PIK3R3: variants seen among roughly 807,000 people sequenced by gnomAD.
PIK3R3 encodes phosphatidylinositol 3-kinase regulatory subunit gamma.
In PIK3R3, 64 loss-of-function variants were observed where a neutral mutation model predicts 62.9. The observed-to-expected ratio is 1.02, with a 90% CI of 0.83 to 1.25. PIK3R3 has a LOEUF of 1.25. Ranked by LOEUF, PIK3R3 falls within the 50% of genes most tolerant of loss-of-function variation. The pLI is 0.00. For synonymous variants in PIK3R3, 165 were observed against 189.0 expected (o/e 0.87, Z 1.04); for missense variants, 614 against 561.6 (o/e 1.09, Z -0.94).
At chr1:46,100,393 A>G (rs1442420542) in intron 1 of PIK3R3, among the ~76,000 whole-genome samples, 4 of 152,204 alleles carry the variant, frequency 2.6e-5, no homozygotes, top group Admixed American at 2.6e-4. Context: ...TAGTCAGTCC[A>G]TCATCTCCTT....
In PIK3R3 at chr1:46,043,583, G is replaced by T; in HGVS notation, c.*90C>A. On this transcript the variant is annotated 3_prime_UTR_variant, in exon 10 of 10. Coordinates refer to ENST00000262741, the MANE Select transcript of PIK3R3 (RefSeq NM_003629.4). Reference sequence around the variant, plus strand: ...CAAAATCACTTCTTGTGCAAAACAAGCAGTCTATGTAGAAAGAATGCCCTC... The same window carrying T: ...CAAAATCACTTCTTGTGCAAAACAATCAGTCTATGTAGAAAGAATGCCCTC... The T allele has an allele frequency of 8.9e-7, 1 of 1,126,430 alleles. No individual in the cohort carries two copies. The allele number at this position is 1,126,430 out of a possible 1,614,324, so 69.8% of individuals were successfully genotyped here.
the PIK3R3 span, among the ~76,000 whole-genome samples, chr1:46,148,757 AGAG>A: frequency 2.0e-5 from 3 of 152,010 alleles, no homozygotes; most frequent in East Asian, 5.8e-4. Flanking sequence ...AGAGAGAGAG[AGAG>A]AGAGAGAGAG....
chr1:46,097,534 C>A (rs1261563602), intron 1 of PIK3R3, among the ~76,000 whole-genome samples: 1 of 152,142 alleles, frequency 6.6e-6, no homozygotes. Context: ...CTTTCCCCTA[C>A]AATCAAAAAC....
chr1:46,066,223 C>T, intron 4 of PIK3R3, 44 bp from the exon 5 acceptor site: 1 of 1,349,556 alleles, frequency 7.4e-7, no homozygotes, highest in East Asian at 2.3e-5. Context: ...ACAATTCTGA[C>T]ATATGTGGAA....
chr1:46,167,936 A>T, the PIK3R3 span, among the ~76,000 whole-genome samples: 1 of 152,210 alleles, frequency 6.6e-6, no homozygotes, highest in South Asian at 2.1e-4. Flanking sequence ...ACAGCAGATC[A>T]CTTGAAATCA....
chr1:46,172,612 C>T, the PIK3R3 span, among the ~76,000 whole-genome samples: 1 of 152,090 alleles, frequency 6.6e-6, no homozygotes, highest in Non-Finnish European at 1.5e-5. Flanking sequence ...ATAGATTGTG[C>T]CCAGGAGACT....
intron 1 of PIK3R3, among the ~76,000 whole-genome samples, chr1:46,086,022 G>A (rs902867449): frequency 1.3e-5 from 2 of 152,046 alleles, no homozygotes; most frequent in Non-Finnish European, 2.9e-5. Flanking sequence ...TTATATGCAT[G>A]GGCCACTCAC....
At chr1:46,136,626 G>A (rs1008501452), upstream of PIK3R3, among the ~76,000 whole-genome samples, 1 of 152,160 alleles carries the variant, frequency 6.6e-6, no homozygotes, top group Non-Finnish European at 1.5e-5. Flanking sequence ...TCCCCTAGAT[G>A]CTGCTGAATT....
intron 3 of PIK3R3, among the ~76,000 whole-genome samples, chr1:46,072,636 G>C (rs1649640879): frequency 6.6e-6 from 1 of 152,178 alleles, no homozygotes; most frequent in African/African-American, 2.4e-5. Context: ...AGATAAATAA[G>C]AAGCATATTC....
chr1:46,095,514 T>C (rs557255239), intron 1 of PIK3R3, among the ~76,000 whole-genome samples: 21 of 151,944 alleles, frequency 1.4e-4, no homozygotes, highest in African/African-American at 5.1e-4. Context: ...CGCGGGGTGG[T>C]AGGGGGAGAG....
chr1:46,165,293 A>G, the PIK3R3 span, among the ~76,000 whole-genome samples: 10 of 139,538 alleles, frequency 7.2e-5, no homozygotes, highest in African/African-American at 2.7e-4. Flanking sequence ...AGGTATTTCT[A>G]TTCTTCTTCT....
rs1305198008 is a variant in PIK3R3 at position 46,046,590 on chromosome 1, A to T, written c.977T>A (p.Leu326Gln). ...LNHKGVRQKR[L>Q]NVWLGIKNED... ...ATTCTTAATTCCCAGCCAGACATTC[A>T]GGCGTTTCTGTCTCACTCCTTTGTG... Residue 326 changes from leucine (L) to glutamine (Q), a missense_variant, in exon 8 of 10, where the codon CTG becomes CAG. Transcript: ENST00000262741. 6.2e-7 allele frequency: 1 copy of T among 1,613,548 alleles called. No homozygotes were observed. Among genetic ancestry groups the T allele is most frequent in the East Asian group, 2.2e-5 (1 of 44,884 alleles).
intron 1 of PIK3R3, among the ~76,000 whole-genome samples, chr1:46,084,037 AATAG>A (rs1209431037): frequency 6.6e-6 from 1 of 152,240 alleles, no homozygotes; most frequent in African/African-American, 2.4e-5. Context: ...TCAACAGACG[AATAG>A]ATAAATAAAA....
the PIK3R3 span, among the ~76,000 whole-genome samples, chr1:46,157,167 T>C: frequency 6.6e-6 from 1 of 152,228 alleles, no homozygotes; most frequent in Non-Finnish European, 1.5e-5. Flanking sequence ...AAGGTCTGAC[T>C]CTATCGCCTA....
chr1:46,095,786 G>T (rs922936069), intron 1 of PIK3R3, among the ~76,000 whole-genome samples: 3 of 152,088 alleles, frequency 2.0e-5, no homozygotes, highest in African/African-American at 7.2e-5. Flanking sequence ...TTCCAAGTTG[G>T]AGACAGTTTC....
the PIK3R3 span, among the ~76,000 whole-genome samples, chr1:46,148,602 G>A: frequency 6.6e-6 from 1 of 152,138 alleles, no homozygotes; most frequent in African/African-American, 2.4e-5. Flanking sequence ...AGCCACCCTT[G>A]GAAGCAGAGT....
chr1:46,053,887 CATG>C (rs1478554048), intron 7 of PIK3R3, among the ~76,000 whole-genome samples: 1 of 152,136 alleles, frequency 6.6e-6, no homozygotes, highest in Admixed American at 6.6e-5. Context: ...TCTTCAGCTT[CATG>C]ATGTGACCAG....
At chr1:46,108,513 A>C (rs1161628021) in intron 1 of PIK3R3, among the ~76,000 whole-genome samples, 1 of 152,220 alleles carries the variant, frequency 6.6e-6, no homozygotes, top group Non-Finnish European at 1.5e-5. Context: ...TAATTCATCC[A>C]CATGCCTCAG....
intron 9 of PIK3R3, 46 bp downstream of exon 9, chr1:46,045,868 ATAAT>A (rs1324729441): frequency 6.7e-7 from 1 of 1,493,844 alleles, no homozygotes; most frequent in Non-Finnish European, 9.3e-7. Context: ...TGATTTTATA[ATAAT>A]TGATGCAAAA....
Sources: gnomAD v4.1 joint callset for allele counts (sites outside exome capture counted in the v4.1 genomes callset) on GRCh38, gnomAD v4.1.1 for gene constraint, MANE v1.5 for transcripts, NCBI Gene and HGNC (gene_info 2026-07-23, HGNC 2026-07-21) for gene names.